The following SNTG1 variants were observed in gnomAD, a reference collection of about 807,000 sequenced individuals.
The protein encoded by SNTG1 is syntrophin gamma 1.
A neutral mutation model predicts 74.7 loss-of-function variants in SNTG1; 39 were observed. The ratio of observed to expected loss-of-function variants is 0.52; its 90% CI spans 0.40 to 0.68. The LOEUF is 0.68. Among genes scored for constraint, SNTG1 ranks in the 30% least tolerant of loss-of-function variants. The probability of loss-of-function intolerance (pLI) is 0.00; values close to 1 mark genes in which losing one functional copy is unlikely to be tolerated. For missense variants in SNTG1, 685 were observed against 609.5 expected (o/e 1.12, Z -1.30); for synonymous variants, 254 against 217.1 (o/e 1.17, Z -1.49).
At chr8:50,680,476 A>G (rs556459870) in intron 15 of SNTG1, among the ~76,000 whole-genome samples, 1 of 152,186 alleles carries the variant, frequency 6.6e-6, no homozygotes, top group African/African-American at 2.4e-5. Context: ...GCAATTTTCA[A>G]TTTTTCTCAT....
intron 2 of SNTG1, among the ~76,000 whole-genome samples, chr8:50,186,355 G>A (rs1466337612): frequency 4.6e-5 from 7 of 151,782 alleles, no homozygotes; most frequent in African/African-American, 9.7e-5. Context: ...TATTCCTTTG[G>A]GTATATACTC....
At chr8:50,549,011 A>C (rs1436737800) in intron 11 of SNTG1, among the ~76,000 whole-genome samples, 1 of 152,140 alleles carries the variant, frequency 6.6e-6, no homozygotes, top group African/African-American at 2.4e-5. Context: ...ATATTGAAGG[A>C]GCATAGATGG....
At chr8:49,934,063 C>A (rs1174443400) in intron 1 of SNTG1, among the ~76,000 whole-genome samples, 2 of 152,128 alleles carry the variant, frequency 1.3e-5, no homozygotes, top group African/African-American at 2.4e-5. Context: ...ATAAATAGTA[C>A]AATCTGTGAG....
At chr8:50,765,438 G>A (rs1488483963) in intron 18 of SNTG1, among the ~76,000 whole-genome samples, 1 of 151,930 alleles carries the variant, frequency 6.6e-6, no homozygotes, top group Non-Finnish European at 1.5e-5. Flanking sequence ...CAAACCCAGA[G>A]AACTTGTCAC....
intron 1 of SNTG1, among the ~76,000 whole-genome samples, chr8:50,167,512 T>C (rs1353184407): frequency 6.6e-6 from 1 of 151,460 alleles, no homozygotes; most frequent in Non-Finnish European, 1.5e-5. Context: ...AGAAAATATA[T>C]TTGGCCAAGT....
rs2093576027 is a variant in SNTG1, at chr8:50,462,794, C to CTTTTTTT, written c.363+12066_363+12067insTTTTTTT. Among the ~76,000 whole-genome samples, 7 of 43,624 alleles carry CTTTTTTT rather than the reference C, an allele frequency of 1.6e-4. 2 individuals carry two copies. The highest frequency in any genetic ancestry group is 2.2e-4 in the African/African-American group (3 of 13,410). The allele number at this position is 43,624 out of a possible 152,430, so 28.6% of individuals were successfully genotyped here. A position where few individuals can be genotyped will look rare whatever the true frequency, so the allele number is the denominator to read the frequency against. ...AACTCAGTCGCATCTTCAGGTTCTA[C>CTTTTTTT]TCTTTTTTTTTTTTTTTTTTTTTTT... On this transcript the variant is annotated intron_variant, in intron 8 of 18. Transcript: ENST00000642720.
intron 15 of SNTG1, among the ~76,000 whole-genome samples, chr8:50,679,686 C>A (rs2095323552): frequency 6.6e-6 from 1 of 152,080 alleles, no homozygotes. Context: ...TTACCTTAGT[C>A]CAAATAGGCA....
chr8:50,437,643 C>T (rs1216800506), intron 4 of SNTG1, among the ~76,000 whole-genome samples: 1 of 152,160 alleles, frequency 6.6e-6, no homozygotes, highest in Non-Finnish European at 1.5e-5. Flanking sequence ...TAACAAATAT[C>T]TACCCCAGAT....
chr8:50,153,329 G>A (rs2082136765), intron 1 of SNTG1, among the ~76,000 whole-genome samples: 1 of 152,048 alleles, frequency 6.6e-6, no homozygotes, highest in Non-Finnish European at 1.5e-5. Flanking sequence ...AAGGTTTTTA[G>A]CTTCTTTGCA....
chr8:50,141,864 A>G (rs577252014), intron 1 of SNTG1, among the ~76,000 whole-genome samples: 1 of 152,088 alleles, frequency 6.6e-6, no homozygotes, highest in African/African-American at 2.4e-5. Context: ...TTTATAATTT[A>G]ATAATATTGA....
intron 18 of SNTG1, among the ~76,000 whole-genome samples, chr8:50,753,741 G>A (rs2095573371): frequency 6.6e-6 from 1 of 151,748 alleles, no homozygotes; most frequent in African/African-American, 2.4e-5. Context: ...TGTAAGAATA[G>A]ATATTTGGTT....
intron 1 of SNTG1, among the ~76,000 whole-genome samples, chr8:49,944,891 G>A (rs1013440856): frequency 1.3e-5 from 2 of 151,750 alleles, no homozygotes; most frequent in Non-Finnish European, 2.9e-5. Flanking sequence ...GGGCTCAAGC[G>A]ATTCTCTTGC....
At chr8:50,245,318 T>C (rs984070880) in intron 2 of SNTG1, among the ~76,000 whole-genome samples, 2 of 152,212 alleles carry the variant, frequency 1.3e-5, no homozygotes, top group African/African-American at 4.8e-5. Context: ...TTTGGTTTCT[T>C]CTGCTTTTTT....
At position 50,369,399 on chromosome 8, in the gene SNTG1, C is replaced by G. The variant is rs115102998; in HGVS notation, c.-27-24813C>G. 1.4e-4 allele frequency among the ~76,000 whole-genome samples: 22 copies of G among 152,170 alleles called. No individual in the cohort carries two copies. In the South Asian group the frequency reaches 3.9e-3, roughly 27 times the overall value. The stretch of plus-strand genomic sequence containing the variant: ...ATCACATGAGGTTGAGAGTTCGAGA[C>G]GAGCCTGACCAACATGGGGAAACCC... On this transcript the variant is annotated intron_variant, in intron 2 of 18. Coordinates refer to ENST00000642720, the MANE Select transcript of SNTG1 (RefSeq NM_018967.5).
intron 15 of SNTG1, among the ~76,000 whole-genome samples, chr8:50,678,037 A>G (rs943437545): frequency 1.8e-4 from 27 of 152,064 alleles, no homozygotes; most frequent in African/African-American, 6.5e-4. Flanking sequence ...GCAAACCACC[A>G]TGTCACATGT....
intron 1 of SNTG1, among the ~76,000 whole-genome samples, chr8:49,946,379 C>T (rs575125231): frequency 1.5e-4 from 23 of 152,124 alleles, no homozygotes; most frequent in African/African-American, 2.4e-4. Flanking sequence ...ACAATGAGAC[C>T]GTGAATAAAA....
chr8:50,018,368 C>A (rs1473488366), intron 1 of SNTG1, among the ~76,000 whole-genome samples: 1 of 151,976 alleles, frequency 6.6e-6, no homozygotes, highest in African/African-American at 2.4e-5. Context: ...TAATTTATGA[C>A]AACAGTGCCA....
At chr8:50,211,353 T>C (rs1430887725) in intron 2 of SNTG1, among the ~76,000 whole-genome samples, 1 of 152,162 alleles carries the variant, frequency 6.6e-6, no homozygotes, top group Non-Finnish European at 1.5e-5. Flanking sequence ...GGTAAGATCT[T>C]TGTTATCAGA....
At chr8:50,706,799 C>T (rs905990046) in intron 16 of SNTG1, among the ~76,000 whole-genome samples, 17 of 151,852 alleles carry the variant, frequency 1.1e-4, no homozygotes, top group Middle Eastern at 3.2e-3. Flanking sequence ...AACCTTAACA[C>T]GTTTTTCTTC....
Sources: allele counts gnomAD v4.1 joint callset (sites outside exome capture counted in the v4.1 genomes callset), GRCh38; gene constraint gnomAD v4.1.1; transcripts MANE v1.5; gene names NCBI Gene and HGNC (gene_info 2026-07-23, HGNC 2026-07-21).